The following GRID2 variants were observed in gnomAD, a reference collection of about 807,000 sequenced individuals.
GRID2 encodes glutamate ionotropic receptor delta type subunit 2, also known as glutamate receptor ionotropic, delta-2.
GRID2 carries 33 observed loss-of-function variants against 114.8 expected under a neutral mutation model. The observed-to-expected ratio is 0.29, with a 90% confidence interval of 0.22 to 0.38. The LOEUF is 0.38. Among genes scored for constraint, GRID2 ranks in the 10% least tolerant of loss-of-function variants. GRID2 has a pLI of 1.00. For missense variants in GRID2, 1,184 were observed against 1,257.7 expected (o/e 0.94, Z 0.89); for synonymous variants, 505 against 449.9 (o/e 1.12, Z -1.55).
At chr4:93,726,623 A>G (rs1729924782) in intron 14 of GRID2, among the ~76,000 whole-genome samples, 2 of 152,128 alleles carry the variant, frequency 1.3e-5, no homozygotes, top group East Asian at 3.8e-4. Flanking sequence ...ATGAGCATGG[A>G]ATGTTCTTCC....
At chr4:92,387,702 G>T (rs1168976588) in intron 1 of GRID2, among the ~76,000 whole-genome samples, 2 of 151,942 alleles carry the variant, frequency 1.3e-5, no homozygotes. Flanking sequence ...TAATTCAGAA[G>T]CCATTACTAG....
Position 92,357,260 on chromosome 4 carries a change from T to A in GRID2, c.88+52516T>A, listed in dbSNP as rs1330640261. ...TGCTGCAATTTTAATTCTAGACATTTAAATCATTAGGAAAAACTAGAACAT... is the reference window on the plus strand; with the variant it reads ...TGCTGCAATTTTAATTCTAGACATTAAAATCATTAGGAAAAACTAGAACAT... On this transcript the variant is annotated intron_variant, in intron 1 of 15. Coordinates refer to ENST00000282020, the MANE Select transcript of GRID2 (RefSeq NM_001510.4). Among the ~76,000 whole-genome samples, 4 of 151,894 alleles carry A rather than the reference T, an allele frequency of 2.6e-5. 1 individual carries two copies. The highest frequency in any genetic ancestry group is 5.9e-5 in the Non-Finnish European group (4 of 67,888).
At chr4:93,589,377 T>G (rs1011206207) in intron 13 of GRID2, among the ~76,000 whole-genome samples, 3 of 151,890 alleles carry the variant, frequency 2.0e-5, no homozygotes, top group Non-Finnish European at 2.9e-5. Context: ...ACAAAGGACA[T>G]GAACTCATCA....
rs138209723 is a variant in GRID2, at chr4:92,636,391, T to C, written c.244+46105T>C. On this transcript the variant is annotated intron_variant, in intron 2 of 15. Transcript: ENST00000282020. ...TTAGAGGATGTTCAGGAAAAAAAAA[T>C]TCTCAGATATTTTATTGAGACCAAC... 8.8e-3 allele frequency among the ~76,000 whole-genome samples: 1,335 copies of C among 152,072 alleles called. 7 individuals carry two copies. Among genetic ancestry groups the C allele is most frequent in the Non-Finnish European group, 0.012 (799 of 67,970 alleles).
At chr4:93,264,773 TAA>T (rs1750633412) in intron 8 of GRID2, among the ~76,000 whole-genome samples, 2 of 138,828 alleles carry the variant, frequency 1.4e-5, no homozygotes, top group African/African-American at 5.4e-5. Flanking sequence ...TATATATATA[TAA>T]ATATATATAA....
chr4:92,429,160 A>G (rs538762326), intron 1 of GRID2, among the ~76,000 whole-genome samples: 2 of 152,132 alleles, frequency 1.3e-5, no homozygotes, highest in African/African-American at 4.8e-5. Flanking sequence ...AGGTGTATAC[A>G]TTGATGGGGT....
At chr4:93,587,742 A>G (rs1034267750) in intron 13 of GRID2, among the ~76,000 whole-genome samples, 9 of 152,058 alleles carry the variant, frequency 5.9e-5, no homozygotes, top group Admixed American at 5.9e-4. Flanking sequence ...ATTATATTAC[A>G]TTATAATCAT....
intron 3 of GRID2, among the ~76,000 whole-genome samples, chr4:93,088,227 A>G (rs1424922816): frequency 1.3e-5 from 2 of 152,158 alleles, no homozygotes; most frequent in African/African-American, 4.8e-5. Flanking sequence ...AAGTCAACAG[A>G]TGAAAAGATG....
intron 2 of GRID2, among the ~76,000 whole-genome samples, chr4:92,942,627 T>G (rs1328259638): frequency 6.6e-6 from 1 of 152,208 alleles, no homozygotes; most frequent in Non-Finnish European, 1.5e-5. Flanking sequence ...GTTAGCTGGT[T>G]ATTTTGCTCA....
In GRID2 at chr4:92,618,385, A is replaced by G. The variant is rs78954965; in HGVS notation, c.244+28099A>G. ...TGGTCTATATTTCTGTTCTTACGAA[A>G]GCACCCTGCTGTTTTGGTTACTACA... On this transcript the variant is annotated intron_variant, in intron 2 of 15. Transcript: ENST00000282020. 8.5e-3 allele frequency among the ~76,000 whole-genome samples: 1,292 copies of G among 151,848 alleles called. 16 individuals are homozygous for G. The highest frequency in any genetic ancestry group is 0.065 in the East Asian group (335 of 5,136).
chr4:93,661,034 T>C (rs1723446253), intron 14 of GRID2, among the ~76,000 whole-genome samples: 1 of 152,218 alleles, frequency 6.6e-6, no homozygotes. Flanking sequence ...GTGTTGGCTT[T>C]ACAAACATCC....
At chr4:93,340,492 G>A (rs567589296) in intron 8 of GRID2, among the ~76,000 whole-genome samples, 19 of 152,156 alleles carry the variant, frequency 1.2e-4, no homozygotes, top group African/African-American at 4.6e-4. Flanking sequence ...TCTCTGAAGT[G>A]CTAATTAGAA....
At position 93,247,006 on chromosome 4, in the gene GRID2, T is replaced by C. The variant is rs72872752; in HGVS notation, c.1245+8516T>C. Among the ~76,000 whole-genome samples the C allele has an allele frequency of 3.9e-3, 594 of 152,284 alleles. 3 individuals are homozygous for C. Among genetic ancestry groups the C allele is most frequent in the African/African-American group, 0.014 (569 of 41,566 alleles). ...CTGAGTTTCTGGAAGGGTTAGCAGC[T>C]GGTTGGTTGAGATCACTTCTGGAGG... On this transcript the variant is annotated intron_variant, in intron 8 of 15. Transcript: ENST00000282020.
chr4:92,482,656 A>G (rs1380811914), intron 1 of GRID2, among the ~76,000 whole-genome samples: 1 of 152,050 alleles, frequency 6.6e-6, no homozygotes, highest in Non-Finnish European at 1.5e-5. Flanking sequence ...CCTATTTGTT[A>G]ATTTGGTCTT....
chr4:92,987,957 T>A (rs1236771739), intron 2 of GRID2, among the ~76,000 whole-genome samples: 1 of 152,212 alleles, frequency 6.6e-6, no homozygotes, highest in Non-Finnish European at 1.5e-5. Flanking sequence ...TATGACATTT[T>A]TTCTTCAGTG....
intron 11 of GRID2, among the ~76,000 whole-genome samples, chr4:93,462,814 G>T (rs1010405052): frequency 6.6e-6 from 1 of 152,116 alleles, no homozygotes; most frequent in Admixed American, 6.5e-5. Flanking sequence ...AGTAGCTAAA[G>T]CCATTTCTTT....
Position 92,772,513 on chromosome 4 carries a change from T to C in GRID2, c.244+182227T>C, listed in dbSNP as rs149689836. Among the ~76,000 whole-genome samples the C allele has an allele frequency of 8.3e-4, 126 of 152,292 alleles. No homozygotes were observed. In the East Asian group the frequency reaches 0.017, roughly 21 times the overall value. On this transcript the variant is annotated intron_variant, in intron 2 of 15. Transcript: ENST00000282020. ...GGCACATTCATGAAAACATATGCTC[T>C]GTGTTAATATTCTAATTTATTCATA...
At chr4:92,363,459 T>A (rs985392369) in intron 1 of GRID2, among the ~76,000 whole-genome samples, 2 of 151,928 alleles carry the variant, frequency 1.3e-5, no homozygotes, top group Non-Finnish European at 2.9e-5. Context: ...AAGGAGGACA[T>A]GTTTGATAAG....
At position 92,410,639 on chromosome 4, in the gene GRID2, G is replaced by A. The variant is rs552668628; in HGVS notation, c.88+105895G>A. 2.6e-5 allele frequency among the ~76,000 whole-genome samples: 4 copies of A among 152,212 alleles called. No homozygotes were observed. The South Asian group carries it at 6.2e-4, about 24-fold the overall frequency. On this transcript the variant is annotated intron_variant, in intron 1 of 15. Transcript: ENST00000282020. ...TACCTGAATTTAAATCCTACTTCAA[G>A]CACATTTTAGATGTGTGATCTTGAG...
Sources: gnomAD v4.1 joint callset for allele counts (sites outside exome capture counted in the v4.1 genomes callset) on GRCh38, gnomAD v4.1.1 for gene constraint, MANE v1.5 for transcripts, NCBI Gene and HGNC (gene_info 2026-07-23, HGNC 2026-07-21) for gene names.